The following GRIP1 variants were observed in gnomAD, a reference collection of about 807,000 sequenced individuals.
GRIP1 encodes the protein glutamate receptor interacting protein 1.
Under a neutral mutation model 129.9 loss-of-function variants are expected in GRIP1, and 45 were observed. The ratio of observed to expected loss-of-function variants is 0.35; its 90% CI spans 0.27 to 0.44. The LOEUF is 0.44. GRIP1 is among the 20% of genes least tolerant of loss of function. The pLI is 1.00. For synonymous variants in GRIP1, 530 were observed against 520.8 expected, an observed-to-expected ratio of 1.02 and a Z score of -0.24; for missense variants, 1,196 against 1,396.8, an observed-to-expected ratio of 0.86 and a Z score of 2.29.
chr12:66,599,088 T>C (rs1493481), intron 1 of GRIP1, among the ~76,000 whole-genome samples: 137,678 of 152,186 alleles, frequency 0.9, 62,445 homozygotes, highest in East Asian at 0.97. Context: ...TGAGCACATC[T>C]TTAAAAGGTT....
intron 1 of GRIP1, among the ~76,000 whole-genome samples, chr12:66,815,893 TC>T (rs2039210590): frequency 6.6e-6 from 1 of 151,558 alleles, no homozygotes. Flanking sequence ...TCTTTCTTTC[TC>T]ATATTAAGGT....
intron 1 of GRIP1, among the ~76,000 whole-genome samples, chr12:66,879,393 G>C (rs76361234): frequency 0.096 from 14,555 of 152,112 alleles, 937 homozygotes; most frequent in Middle Eastern, 0.19. Flanking sequence ...CCCTGTGGAA[G>C]GGGGTATTAT....
chr12:66,908,573 C>A (rs2040975111), intron 1 of GRIP1, among the ~76,000 whole-genome samples: 1 of 152,046 alleles, frequency 6.6e-6, no homozygotes, highest in Non-Finnish European at 1.5e-5. Context: ...TCTGAAGAAA[C>A]AGTGTTGCAT....
intron 1 of GRIP1, among the ~76,000 whole-genome samples, chr12:66,884,392 G>A (rs576862033): frequency 2.6e-5 from 4 of 152,218 alleles, no homozygotes; most frequent in East Asian, 1.9e-4. Context: ...AGAAGGCTAC[G>A]GCTAGAAAAC....
Position 66,578,230 on chromosome 12 carries a change from C to CG in GRIP1, c.136+18616dup, listed in dbSNP as rs2063211066. On this transcript the variant is annotated intron_variant, in intron 2 of 24. Transcript: ENST00000359742. Reference sequence around the variant, plus strand: ...CAGCCTGACTAATATGGCAAAACCGCGGTTTTTTTTTTTTTTTTTGTAAAA... The same window carrying CG: ...CAGCCTGACTAATATGGCAAAACCGCGGGTTTTTTTTTTTTTTTTTGTAAAA... Among the ~76,000 whole-genome samples, 3 of 24,372 alleles carry CG rather than the reference C, an allele frequency of 1.2e-4. No homozygotes were observed. The Admixed American group carries it at 1.5e-3, about 13-fold the overall frequency. 16.0% of individuals were successfully genotyped at this position (24,372 alleles called of 152,430 possible).
At chr12:66,831,485 C>T (rs1472752800) in intron 1 of GRIP1, among the ~76,000 whole-genome samples, 1 of 152,152 alleles carries the variant, frequency 6.6e-6, no homozygotes, top group East Asian at 1.9e-4. Flanking sequence ...CATATGTTGG[C>T]CCAATCAAGT....
At chr12:66,589,372 G>A (rs542412601) in intron 2 of GRIP1, among the ~76,000 whole-genome samples, 167 of 152,080 alleles carry the variant, frequency 1.1e-3, no homozygotes, top group African/African-American at 4.0e-3. Context: ...TTTGTTAAAA[G>A]AAGCCCCCAA....
At chr12:66,472,804 G>C (rs1565776427) in intron 7 of GRIP1, among the ~76,000 whole-genome samples, 1 of 152,178 alleles carries the variant, frequency 6.6e-6, no homozygotes, top group Admixed American at 6.5e-5. Context: ...CAGATACTAC[G>C]CTTTTCCCAT....
chr12:66,523,854 A>G lies in GRIP1; in HGVS notation c.503-5878T>C, dbSNP rs182729265. On this transcript the variant is annotated intron_variant, in intron 5 of 24. Transcript: ENST00000359742. ...GGAAGATCTACCAAGCAAACAGAAA[A>G]CAAAAAAAGGCAGGGGTTGCAATCC... is the stretch of plus-strand genomic sequence containing the variant. Among the ~76,000 whole-genome samples the G allele has an allele frequency of 4.8e-3, 738 of 152,318 alleles. 2 individuals carry two copies. The highest frequency in any genetic ancestry group is 7.3e-3 in the Non-Finnish European group (497 of 68,022).
chr12:66,507,653 T>A lies in GRIP1; in HGVS notation c.724+7966A>T, dbSNP rs115504730. ...TCATAGCAGTCTTGATAAAAAGGAA[T>A]TATTTAAAAATTGCTATTTTATGTT... is the stretch of plus-strand genomic sequence containing the variant. On this transcript the variant is annotated intron_variant, in intron 7 of 24. Coordinates refer to ENST00000359742, the MANE Select transcript of GRIP1 (RefSeq NM_001366722.1). Among the ~76,000 whole-genome samples the A allele has an allele frequency of 9.6e-3, 1,464 of 152,270 alleles. 20 individuals carry two copies. The highest frequency in any genetic ancestry group is 0.032 in the African/African-American group (1,311 of 41,526).
At chr12:66,993,683 C>T (rs566166927) in intron 1 of GRIP1, among the ~76,000 whole-genome samples, 3 of 150,970 alleles carry the variant, frequency 2.0e-5, no homozygotes, top group Non-Finnish European at 4.4e-5. Context: ...CCCAGCTACT[C>T]GGGAGGCTGA....
chr12:67,063,521 AATAAAAG>A (rs2043570547), intron 1 of GRIP1, among the ~76,000 whole-genome samples: 1 of 152,234 alleles, frequency 6.6e-6, no homozygotes, highest in Non-Finnish European at 1.5e-5. Flanking sequence ...AATGAACTTT[AATAAAAG>A]ATAAAACAAG....
At chr12:66,914,763 C>T (rs918231854) in intron 1 of GRIP1, among the ~76,000 whole-genome samples, 17 of 152,122 alleles carry the variant, frequency 1.1e-4, no homozygotes, top group Admixed American at 1.0e-3. Context: ...AAAGAATCTG[C>T]ATGTACCCTG....
intron 1 of GRIP1, among the ~76,000 whole-genome samples, chr12:66,975,841 T>A (rs192220122): frequency 6.6e-6 from 1 of 152,310 alleles, no homozygotes; most frequent in East Asian, 1.9e-4. Context: ...AGATGAATGA[T>A]ACATTCTGAG....
intron 1 of GRIP1, among the ~76,000 whole-genome samples, chr12:66,608,580 C>G (rs556587307): frequency 5.9e-5 from 9 of 152,144 alleles, no homozygotes; most frequent in South Asian, 2.1e-4. Flanking sequence ...GATCAGCCAG[C>G]CTCAACCTCC....
intron 7 of GRIP1, among the ~76,000 whole-genome samples, chr12:66,480,945 A>C (rs1320602126): frequency 6.6e-6 from 1 of 152,214 alleles, no homozygotes; most frequent in Non-Finnish European, 1.5e-5. Flanking sequence ...TAAGACCTAA[A>C]ATTATCAAAA....
At chr12:66,956,628 C>T (rs1262951418) in intron 1 of GRIP1, among the ~76,000 whole-genome samples, 1 of 152,184 alleles carries the variant, frequency 6.6e-6, no homozygotes, top group South Asian at 2.1e-4. Context: ...GGAGAAGATA[C>T]ATTGAGGCTA....
chr12:66,807,640 C>A (rs146055227), upstream of GRIP1, among the ~76,000 whole-genome samples: 1 of 152,014 alleles, frequency 6.6e-6, no homozygotes, highest in African/African-American at 2.4e-5. Context: ...CGCCACTGCA[C>A]TCCAGCCTGG....
At chr12:66,941,375 C>T (rs992313898) in intron 1 of GRIP1, among the ~76,000 whole-genome samples, 1 of 152,192 alleles carries the variant, frequency 6.6e-6, no homozygotes, top group Admixed American at 6.5e-5. Flanking sequence ...GCATGAATGA[C>T]ATGTGGTTAT....
Sources: allele counts gnomAD v4.1 joint callset (sites outside exome capture counted in the v4.1 genomes callset), GRCh38; gene constraint gnomAD v4.1.1; transcripts MANE v1.5; gene names NCBI Gene and HGNC (gene_info 2026-07-23, HGNC 2026-07-21).